DOK6: variants seen among roughly 807,000 people sequenced by gnomAD.
DOK6 encodes the protein downstream of tyrosine kinase 6.
DOK6 carries 22 observed loss-of-function variants against 44.0 expected under a neutral mutation model. The ratio of observed to expected loss-of-function variants is 0.50; its 90% CI spans 0.36 to 0.71. The LOEUF is 0.71. Among genes scored for constraint, DOK6 ranks in the 30% least tolerant of loss-of-function variants. DOK6 has a pLI of 0.00. For synonymous variants in DOK6, 166 were observed against 145.5 expected (o/e 1.14, Z -1.01); for missense variants, 340 against 416.4 (o/e 0.82, Z 1.60).
chr18:69,731,717 A>G (rs1978409258), intron 5 of DOK6, among the ~76,000 whole-genome samples: 1 of 152,230 alleles, frequency 6.6e-6, no homozygotes, highest in African/African-American at 2.4e-5. Context: ...GAAAAAAAGC[A>G]TAACTCTTCT....
intron 3 of DOK6, among the ~76,000 whole-genome samples, chr18:69,649,091 A>G (rs1301142328): frequency 1.3e-5 from 2 of 152,184 alleles, no homozygotes; most frequent in African/African-American, 2.4e-5. Flanking sequence ...ACAGCTTCCC[A>G]CTGGAGAAGT....
intron 1 of DOK6, among the ~76,000 whole-genome samples, chr18:69,504,006 G>A (rs1981117267): frequency 1.3e-5 from 2 of 151,950 alleles, no homozygotes; most frequent in African/African-American, 4.8e-5. Context: ...TTTTTTATAA[G>A]AGCATCCTCA....
chr18:69,432,481 G>A (rs1387067762), intron 1 of DOK6, among the ~76,000 whole-genome samples: 3 of 152,084 alleles, frequency 2.0e-5, no homozygotes, highest in Non-Finnish European at 4.4e-5. Flanking sequence ...TAATTATTTT[G>A]AAATGTGTAA....
chr18:69,593,847 TA>T (rs1453683343), intron 2 of DOK6, among the ~76,000 whole-genome samples: 2 of 152,202 alleles, frequency 1.3e-5, no homozygotes, highest in Admixed American at 1.3e-4. Flanking sequence ...CTATTATATG[TA>T]ATGTAGTTTA....
intron 1 of DOK6, among the ~76,000 whole-genome samples, chr18:69,560,323 T>C (rs558545063): frequency 6.6e-6 from 1 of 152,250 alleles, no homozygotes; most frequent in Non-Finnish European, 1.5e-5. Flanking sequence ...AAAGACTGAG[T>C]GAAGTGATTT....
chr18:69,683,349 A>T (rs1986084242), intron 4 of DOK6, among the ~76,000 whole-genome samples: 1 of 152,216 alleles, frequency 6.6e-6, no homozygotes. Flanking sequence ...CCTTCCAAGA[A>T]GATATGTTGA....
chr18:69,804,428 TAA>T, intron 7 of DOK6, among the ~76,000 whole-genome samples: 1 of 152,320 alleles, frequency 6.6e-6, no homozygotes. Context: ...AGAGTTTTCA[TAA>T]TCTGTAAGAA....
intron 3 of DOK6, among the ~76,000 whole-genome samples, chr18:69,669,581 T>C (rs1483725689): frequency 6.6e-6 from 1 of 152,172 alleles, no homozygotes; most frequent in Non-Finnish European, 1.5e-5. Context: ...TCGAAATCTC[T>C]TCCTTCGAAC....
At chr18:69,526,101 A>T (rs1249951115) in intron 1 of DOK6, among the ~76,000 whole-genome samples, 1 of 152,124 alleles carries the variant, frequency 6.6e-6, no homozygotes, top group Admixed American at 6.5e-5. Context: ...ATATTATAGA[A>T]TTCACCTATT....
At chr18:69,574,325 G>C (rs903228289) in intron 2 of DOK6, among the ~76,000 whole-genome samples, 5 of 151,888 alleles carry the variant, frequency 3.3e-5, no homozygotes, top group Admixed American at 3.3e-4. Flanking sequence ...TCAACACTAA[G>C]AGTTATTATC....
At chr18:69,401,444 C>A in intron 1 of DOK6, 134 bp downstream of exon 1, 1 of 1,008,498 alleles carries the variant, frequency 9.9e-7, no homozygotes, top group Non-Finnish European at 1.3e-6. Context: ...GGATGGCCCG[C>A]TTGTTGCTTG....
rs574369403 is a variant in DOK6 at position 69,809,516 on chromosome 18, C to T, written c.857-31728C>T. Among the ~76,000 whole-genome samples, 152 of 150,514 alleles carry T rather than the reference C, an allele frequency of 1.0e-3. 3 individuals carry two copies. Among genetic ancestry groups the T allele is most frequent in the Admixed American group, 1.1e-3 (16 of 15,040 alleles). ...GAAGAAGTTAAATTGTCCCTATTTG[C>T]AGACAACATGATCTTATATATAGAA... On this transcript the variant is annotated intron_variant, in intron 7 of 7. Coordinates refer to ENST00000382713, the MANE Select transcript of DOK6 (RefSeq NM_152721.6).
intron 1 of DOK6, among the ~76,000 whole-genome samples, chr18:69,513,404 A>G (rs11660112): frequency 6.6e-6 from 1 of 151,698 alleles, no homozygotes; most frequent in East Asian, 1.9e-4. Context: ...ACTCTCTCTC[A>G]GAGTACAATC....
intron 3 of DOK6, among the ~76,000 whole-genome samples, chr18:69,632,665 G>A (rs1202964725): frequency 6.6e-6 from 1 of 151,946 alleles, no homozygotes; most frequent in East Asian, 1.9e-4. Context: ...AGTCTCCCGA[G>A]GTATATTTCT....
intron 1 of DOK6, among the ~76,000 whole-genome samples, chr18:69,516,316 T>TA (rs11443181): frequency 0.2 from 29,965 of 152,060 alleles, 3,186 homozygotes; most frequent in African/African-American, 0.24. Context: ...ATGATACAAA[T>TA]ATTAGTGGTA....
chr18:69,716,330 A>C (rs747148936), intron 5 of DOK6, among the ~76,000 whole-genome samples: 1 of 152,220 alleles, frequency 6.6e-6, no homozygotes, highest in Non-Finnish European at 1.5e-5. Context: ...TTTAGTTGAA[A>C]ATGTCACCAT....
chr18:69,809,129 C>A (rs1599336948), intron 7 of DOK6, among the ~76,000 whole-genome samples: 1 of 151,878 alleles, frequency 6.6e-6, no homozygotes, highest in East Asian at 1.9e-4. Flanking sequence ...AAGGGTCATT[C>A]AACATAGGCA....
chr18:69,788,050 T>C (rs1028131076), intron 7 of DOK6, among the ~76,000 whole-genome samples: 2 of 152,196 alleles, frequency 1.3e-5, no homozygotes, highest in Non-Finnish European at 1.5e-5. Context: ...TCCAGTGCCC[T>C]TCTGGAGCCA....
intron 1 of DOK6, among the ~76,000 whole-genome samples, chr18:69,537,397 T>G (rs1167323800): frequency 6.6e-6 from 1 of 152,118 alleles, no homozygotes; most frequent in Non-Finnish European, 1.5e-5. Flanking sequence ...GGCCCTTTCT[T>G]CAGTGAGTTG....
Sources: gnomAD v4.1 joint callset for allele counts (sites outside exome capture counted in the v4.1 genomes callset) on GRCh38, gnomAD v4.1.1 for gene constraint, MANE v1.5 for transcripts, NCBI Gene and HGNC (gene_info 2026-07-23, HGNC 2026-07-21) for gene names.